The following ST7 variants were observed in gnomAD, a reference collection of about 807,000 sequenced individuals.
ST7 encodes suppressor of tumorigenicity 7 protein.
Under a neutral mutation model 78.7 loss-of-function variants are expected in ST7, and 28 were observed. The observed-to-expected ratio is 0.36, with a 90% confidence interval of 0.26 to 0.49. The LOEUF (loss-of-function observed/expected upper bound fraction) is 0.49, where lower values mean the gene tolerates loss of function less well. Ranked by LOEUF, ST7 falls within the 20% of genes least tolerant of loss-of-function variation. The probability of loss-of-function intolerance (pLI) is 0.99; values close to 1 mark genes in which losing one functional copy is unlikely to be tolerated. For missense variants in ST7, 418 were observed against 696.0 expected (o/e 0.60, Z 4.49); for synonymous variants, 247 against 249.6 (o/e 0.99, Z 0.10).
chr7:117,096,649 G>A (rs540743826), intron 1 of ST7, among the ~76,000 whole-genome samples: 2 of 152,332 alleles, frequency 1.3e-5, no homozygotes, highest in Non-Finnish European at 2.9e-5. Context: ...ATCTCATGGA[G>A]CTGAAATGAA....
chr7:117,022,924 C>G (rs1795997729), intron 1 of ST7: 1 of 152,310 alleles, frequency 6.6e-6, no homozygotes, highest in Admixed American at 6.5e-5. Flanking sequence ...GCTCAAAATA[C>G]AGAACATTTC....
chr7:116,987,096 A>G (rs1239091327), intron 1 of ST7, among the ~76,000 whole-genome samples: 1 of 152,216 alleles, frequency 6.6e-6, no homozygotes, highest in Non-Finnish European at 1.5e-5. Flanking sequence ...TCAGGAATTT[A>G]TATAGATTCT....
intron 1 of ST7, among the ~76,000 whole-genome samples, chr7:116,971,321 G>C (rs542732763): frequency 1.7e-4 from 26 of 152,288 alleles, no homozygotes; most frequent in South Asian, 1.7e-3. Context: ...ACCCAGAAAA[G>C]GGTAATGAGT....
intron 1 of ST7, among the ~76,000 whole-genome samples, chr7:117,026,803 A>G (rs1796205575): frequency 6.6e-6 from 1 of 152,204 alleles, no homozygotes; most frequent in African/African-American, 2.4e-5. Flanking sequence ...GTTTGTGGAG[A>G]GAGAGTCCAG....
intron 1 of ST7, among the ~76,000 whole-genome samples, chr7:117,099,045 G>GAAAAA (rs1563080073): frequency 6.2e-5 from 1 of 16,088 alleles, no homozygotes; most frequent in Non-Finnish European, 8.6e-5. Flanking sequence ...ACTCACTTTC[G>GAAAAA]CAAAAAAAAA....
intron 1 of ST7, among the ~76,000 whole-genome samples, chr7:117,082,287 A>G (rs1308656877): frequency 1.3e-5 from 2 of 152,200 alleles, no homozygotes; most frequent in African/African-American, 2.4e-5. Context: ...CAATGCTCAT[A>G]TAGAAACACC....
intron 1 of ST7, among the ~76,000 whole-genome samples, chr7:117,030,256 T>G (rs1369104763): frequency 2.0e-5 from 3 of 152,208 alleles, no homozygotes; most frequent in Non-Finnish European, 4.4e-5. Context: ...AGAAGAATAC[T>G]TATTTGGAGT....
intron 1 of ST7, chr7:116,956,519 G>T (rs1206312467): frequency 2.1e-6 from 1 of 471,166 alleles, no homozygotes; most frequent in South Asian, 1.5e-5. Context: ...GATGGCGCAG[G>T]CCTCCCTTCC....
At chr7:117,222,840 G>A (rs201246864) in intron 15 of ST7, 120 of 1,593,234 alleles carry the variant, frequency 7.5e-5, no homozygotes, top group Non-Finnish European at 1.0e-4. Context: ...ACTTGGCTGG[G>A]TTGATTTAAT....
At chr7:116,998,059 G>A (rs1222661395) in intron 1 of ST7, among the ~76,000 whole-genome samples, 3 of 152,224 alleles carry the variant, frequency 2.0e-5, no homozygotes, top group South Asian at 2.1e-4. Context: ...GGTGCTTGTC[G>A]GGGATGCTCG....
chr7:117,213,692 A>G (rs1298342472), intron 13 of ST7, among the ~76,000 whole-genome samples: 1 of 152,168 alleles, frequency 6.6e-6, no homozygotes, highest in East Asian at 1.9e-4. Flanking sequence ...CAGCATTTCA[A>G]AGGTTTCCAA....
chr7:117,076,446 T>G (rs900409586), intron 1 of ST7: 1 of 152,250 alleles, frequency 6.6e-6, no homozygotes, highest in African/African-American at 2.4e-5. Context: ...GGCAGGATAT[T>G]TCCTTGACCC....
chr7:117,222,413 G>T (rs1172628408), intron 15 of ST7, among the ~76,000 whole-genome samples: 2 of 152,076 alleles, frequency 1.3e-5, no homozygotes, highest in Non-Finnish European at 2.9e-5. Context: ...TCCAATCGTT[G>T]GATATTGTGG....
chr7:117,070,689 C>T (rs1464352419), intron 1 of ST7, among the ~76,000 whole-genome samples: 1 of 151,768 alleles, frequency 6.6e-6, no homozygotes, highest in African/African-American at 2.4e-5. Context: ...TACAGGCGCC[C>T]GCCACCATGC....
At chr7:117,133,784 T>C (rs1401288200) in intron 6 of ST7, among the ~76,000 whole-genome samples, 2 of 151,900 alleles carry the variant, frequency 1.3e-5, no homozygotes, top group Non-Finnish European at 1.5e-5. Context: ...AGACCATCAT[T>C]ACATGCCCTC....
intron 9 of ST7, among the ~76,000 whole-genome samples, chr7:117,169,528 A>T (rs776410937): frequency 6.6e-6 from 1 of 152,070 alleles, no homozygotes; most frequent in Admixed American, 6.6e-5. Context: ...AATATTATAT[A>T]TTTTAACTTC....
intron 12 of ST7, among the ~76,000 whole-genome samples, chr7:117,208,035 G>C (rs942888781): frequency 1.3e-5 from 2 of 152,006 alleles, no homozygotes; most frequent in South Asian, 2.1e-4. Context: ...AAAATCACAA[G>C]AGGATAGCCA....
chr7:117,016,306 G>A (rs1795612684), intron 1 of ST7, among the ~76,000 whole-genome samples: 1 of 152,060 alleles, frequency 6.6e-6, no homozygotes, highest in South Asian at 2.1e-4. Context: ...CGCTTTATGT[G>A]TGGTACTACA....
At chr7:116,996,686 T>A (rs1794675002) in intron 1 of ST7, among the ~76,000 whole-genome samples, 1 of 152,196 alleles carries the variant, frequency 6.6e-6, no homozygotes, top group African/African-American at 2.4e-5. Context: ...CTAGTCTGAT[T>A]TAAATATTTT....
Sources: gnomAD v4.1 joint callset for allele counts (sites outside exome capture counted in the v4.1 genomes callset) on GRCh38, gnomAD v4.1.1 for gene constraint, MANE v1.5 for transcripts, NCBI Gene and HGNC (gene_info 2026-07-23, HGNC 2026-07-21) for gene names.